The following XPNPEP3 variants were observed in gnomAD, a reference collection of about 807,000 sequenced individuals.
XPNPEP3 encodes X-prolyl aminopeptidase 3, also known as xaa-Pro aminopeptidase 3.
XPNPEP3 carries 41 observed loss-of-function variants against 60.0 expected under a neutral mutation model. That is an observed-to-expected ratio of 0.68 (90% CI 0.53 to 0.89). XPNPEP3 has a LOEUF of 0.89. Among genes scored for constraint, XPNPEP3 ranks in the 40% least tolerant of loss-of-function variants. The probability of loss-of-function intolerance (pLI) is 0.00; values close to 1 mark genes in which losing one functional copy is unlikely to be tolerated. For synonymous variants in XPNPEP3, 212 were observed against 223.2 expected, an observed-to-expected ratio of 0.95 and a Z score of 0.45; for missense variants, 598 against 638.9, an observed-to-expected ratio of 0.94 and a Z score of 0.69.
rs575658134 is a variant in XPNPEP3, at chr22:40,862,424, C to G, written c.64+5179C>G. Reference sequence around the variant, plus strand: ...ACTGCGCCTTAATTGCTTCCCAGCTCTTCTATGCTTTGGTTTAGAAAAATG... The same window carrying G: ...ACTGCGCCTTAATTGCTTCCCAGCTGTTCTATGCTTTGGTTTAGAAAAATG... On this transcript the variant is annotated intron_variant, in intron 1 of 9. Transcript: ENST00000357137. 1.1e-5 allele frequency: 11 copies of G among 988,398 alleles called. No individual in the cohort carries two copies. The South Asian group carries it at 5.2e-4, about 46-fold the overall frequency. 61.2% of individuals were successfully genotyped at this position (988,398 alleles called of 1,614,324 possible).
Position 40,926,414 on chromosome 22 carries a change from G to T in XPNPEP3, c.1503G>T (p.Gln501His), listed in dbSNP as rs886057508. The T allele has an allele frequency of 1.2e-6, 2 of 1,614,150 alleles. No individual in the cohort carries two copies. Among genetic ancestry groups the T allele is most frequent in the Non-Finnish European group, 1.7e-6 (2 of 1,180,044 alleles). ...CCAAAGAGATGAATGACATTGAACAGATATGCAGCCAGGCTTCTTGACCTT... is the reference window on the plus strand; with the variant it reads ...CCAAAGAGATGAATGACATTGAACATATATGCAGCCAGGCTTCTTGACCTT... ...DCPKEMNDIE[Q>H]ICSQAS is the part of the protein sequence containing the mutation. Residue 501 changes from glutamine to histidine, a missense_variant, in exon 10 of 10, where the codon CAG (glutamine) becomes CAT (histidine). Gln to His is a conservative substitution (Grantham distance 24). Coordinates refer to ENST00000357137, the MANE Select transcript of XPNPEP3 (RefSeq NM_022098.4).
chr22:40,924,906 G>A (rs779860194), intron 9 of XPNPEP3, among the ~76,000 whole-genome samples: 2 of 152,116 alleles, frequency 1.3e-5, no homozygotes, highest in Non-Finnish European at 2.9e-5. Flanking sequence ...TTTTATTTTC[G>A]ATTTATCTTT....
chr22:40,914,416 T>C (rs567359253), intron 7 of XPNPEP3, 92 bp downstream of exon 7: 36 of 1,090,436 alleles, frequency 3.3e-5, no homozygotes, highest in African/African-American at 2.9e-4. Flanking sequence ...AAAGAAATAC[T>C]ATAGGTCCAT....
intron 4 of XPNPEP3, among the ~76,000 whole-genome samples, chr22:40,891,630 G>A (rs2058088972): frequency 6.6e-6 from 1 of 151,516 alleles, no homozygotes; most frequent in Admixed American, 6.6e-5. Flanking sequence ...TCCAGCCTGG[G>A]TGACAGAGTG....
intron 7 of XPNPEP3, among the ~76,000 whole-genome samples, chr22:40,920,938 A>G (rs1331585761): frequency 6.6e-6 from 1 of 152,088 alleles, no homozygotes. Context: ...AATTACAGAC[A>G]TGCACCACCA....
chr22:40,897,055 A>T (rs1384993880), intron 4 of XPNPEP3, among the ~76,000 whole-genome samples: 4 of 108,416 alleles, frequency 3.7e-5, no homozygotes, highest in East Asian at 3.1e-4. Context: ...TTTTTTTGAG[A>T]CGGAGTTTCG....
Position 40,909,152 on chromosome 22 carries a change from G to T in XPNPEP3, c.886G>T (p.Asp296Tyr). 6.2e-7 allele frequency: 1 copy of T among 1,614,188 alleles called. No individual in the cohort carries two copies. Residue 296 changes from aspartate to tyrosine, a missense_variant, in exon 6 of 10, where the codon GAC (aspartate) becomes TAC (tyrosine). By Grantham distance (160) the Asp-to-Tyr change is radical (BLOSUM62 -3). Coordinates refer to ENST00000357137, the MANE Select transcript of XPNPEP3 (RefSeq NM_022098.4). ...FEFECRARGA[D>Y]ILAYPPVVAG... Reference sequence around the variant, plus strand: ...ATTTGAATGCCGGGCTCGTGGCGCAGACATTTTAGCCTATCCACCTGTGGT... The same window carrying T: ...ATTTGAATGCCGGGCTCGTGGCGCATACATTTTAGCCTATCCACCTGTGGT...
At chr22:40,860,665 T>C (rs2057937613) in intron 1 of XPNPEP3, 2 of 1,303,650 alleles carry the variant, frequency 1.5e-6, no homozygotes, top group Non-Finnish European at 2.1e-6. Context: ...CCTTTTTTTT[T>C]TTTTTAAGAC....
At chr22:40,905,084 T>A (rs553044285) in intron 4 of XPNPEP3, among the ~76,000 whole-genome samples, 255 of 150,714 alleles carry the variant, frequency 1.7e-3, no homozygotes, top group Middle Eastern at 6.8e-3. Flanking sequence ...TTTTTTTTTT[T>A]AATTTTTTTT....
Position 40,907,645 on chromosome 22 carries a change from C to T in XPNPEP3, c.851C>T (p.Ala284Val). ...KAPVEEAFLY[A>V]KFEFECRARG... ...CCTGTGGAAGAAGCCTTTCTTTATGCTAAGGTGAGATTCAGATGGTTAGCT... is the reference window on the plus strand; with the variant it reads ...CCTGTGGAAGAAGCCTTTCTTTATGTTAAGGTGAGATTCAGATGGTTAGCT... The change falls in exon 5 of 10, where the codon GCT becomes GTT. Residue 284 changes from alanine (A) to valine (V), a missense_variant. Physicochemically the swap from Ala to Val is moderately conservative, Grantham distance 64. Coordinates refer to ENST00000357137, the MANE Select transcript of XPNPEP3 (RefSeq NM_022098.4). 1 of 1,613,600 alleles carries T rather than the reference C, an allele frequency of 6.2e-7. No homozygotes were observed. The highest frequency in any genetic ancestry group is 8.5e-7 in the Non-Finnish European group (1 of 1,179,654).
intron 2 of XPNPEP3, among the ~76,000 whole-genome samples, chr22:40,876,905 G>A (rs905074714): frequency 2.6e-5 from 4 of 152,094 alleles, no homozygotes; most frequent in South Asian, 2.1e-4. Context: ...TATATGCAGC[G>A]AATTTCACAG....
intron 1 of XPNPEP3, among the ~76,000 whole-genome samples, chr22:40,859,049 C>T (rs1200879050): frequency 6.6e-6 from 1 of 152,160 alleles, no homozygotes; most frequent in Non-Finnish European, 1.5e-5. Context: ...AGCCACTGCA[C>T]CCAGCCCTTA....
chr22:40,887,646 G>C (rs1192966127), intron 4 of XPNPEP3, among the ~76,000 whole-genome samples: 1 of 151,854 alleles, frequency 6.6e-6, no homozygotes, highest in Non-Finnish European at 1.5e-5. Context: ...ATAGAGATTA[G>C]AGCTTTAACA....
At chr22:40,922,725 C>T (rs904957607) in intron 8 of XPNPEP3, among the ~76,000 whole-genome samples, 1 of 151,548 alleles carries the variant, frequency 6.6e-6, no homozygotes, top group African/African-American at 2.4e-5. Context: ...GATATATACA[C>T]ACACACACAC....
chr22:40,892,579 CTTATT>C (rs2058092205), intron 4 of XPNPEP3, among the ~76,000 whole-genome samples: 1 of 152,204 alleles, frequency 6.6e-6, no homozygotes, highest in Non-Finnish European at 1.5e-5. Flanking sequence ...CTAAGGCTCT[CTTATT>C]TTGAGTGTGG....
chr22:40,916,372 A>G (rs2058196428), intron 7 of XPNPEP3, among the ~76,000 whole-genome samples: 1 of 152,204 alleles, frequency 6.6e-6, no homozygotes, highest in Non-Finnish European at 1.5e-5. Context: ...GTTATAGATA[A>G]GTTAAAGGAA....
intron 4 of XPNPEP3, among the ~76,000 whole-genome samples, chr22:40,901,236 C>CTTTTTTTTTTT (rs368089611): frequency 3.8e-5 from 5 of 131,748 alleles, no homozygotes; most frequent in African/African-American, 5.7e-5. Flanking sequence ...ATTTAAAGAA[C>CTTTTTTTTTTT]TTTTTTTTTT....
At chr22:40,869,983 C>G (rs1043331683) in intron 2 of XPNPEP3, 8 of 463,160 alleles carry the variant, frequency 1.7e-5, no homozygotes, top group Non-Finnish European at 3.1e-5. Context: ...TTTCACTATC[C>G]CCACTCAGTG....
At chr22:40,898,946 A>G (rs888744265) in intron 4 of XPNPEP3, among the ~76,000 whole-genome samples, 2 of 152,196 alleles carry the variant, frequency 1.3e-5, no homozygotes, top group African/African-American at 4.8e-5. Context: ...ATCTAGATAC[A>G]TATGATAGGC....
Sources: gnomAD v4.1 joint callset for allele counts (sites outside exome capture counted in the v4.1 genomes callset) on GRCh38, gnomAD v4.1.1 for gene constraint, MANE v1.5 for transcripts, NCBI Gene and HGNC (gene_info 2026-07-23, HGNC 2026-07-21) for gene names.